Variants in HIPK2 observed in about 807,000 individuals in gnomAD.
HIPK2 encodes the protein homeodomain-interacting protein kinase 2.
A neutral mutation model predicts 113.7 loss-of-function variants in HIPK2; 27 were observed. That is an observed-to-expected ratio of 0.24 (90% CI 0.17 to 0.33). HIPK2 has a LOEUF of 0.33. Among genes scored for constraint, HIPK2 ranks in the 10% least tolerant of loss-of-function variants. The pLI, the probability that HIPK2 is intolerant of heterozygous loss-of-function variation, is 1.00. For synonymous variants in HIPK2, 631 were observed against 642.2 expected, an observed-to-expected ratio of 0.98 and a Z score of 0.26; for missense variants, 1,257 against 1,588.0, an observed-to-expected ratio of 0.79 and a Z score of 3.54.
At chr7:139,626,556 A>G in intron 6 of HIPK2, 45 bp downstream of exon 6, 2 of 1,578,048 alleles carry the variant, frequency 1.3e-6, no homozygotes, top group Non-Finnish European at 1.7e-6. Flanking sequence ...CTGGGCCTTT[A>G]AAGTTTGCCG....
chr7:139,707,246 G>A (rs535177717), intron 2 of HIPK2, among the ~76,000 whole-genome samples: 42 of 152,366 alleles, frequency 2.8e-4, no homozygotes, highest in African/African-American at 8.4e-4. Flanking sequence ...GGGGAAATTC[G>A]AGACAGTTGC....
intron 1 of HIPK2, among the ~76,000 whole-genome samples, chr7:139,726,125 T>G (rs1041056778): frequency 6.6e-6 from 1 of 152,194 alleles, no homozygotes; most frequent in African/African-American, 2.4e-5. Flanking sequence ...AATATAACCA[T>G]AAGAAATGAT....
At chr7:139,726,502 T>C (rs1433079737) in intron 1 of HIPK2, among the ~76,000 whole-genome samples, 1 of 151,674 alleles carries the variant, frequency 6.6e-6, no homozygotes, top group Admixed American at 6.6e-5. Context: ...GAGGGGAGAA[T>C]AGAATCTGTT....
chr7:139,732,781 TTATATAACATATAATA>T (rs1331953182), intron 1 of HIPK2, among the ~76,000 whole-genome samples: 1 of 147,296 alleles, frequency 6.8e-6, no homozygotes, highest in Non-Finnish European at 1.5e-5. Context: ...ATATATGACA[TTATATAACATATAATA>T]TATATAACAT....
chr7:139,623,743 T>C (rs1231060984), intron 6 of HIPK2, among the ~76,000 whole-genome samples: 3 of 152,060 alleles, frequency 2.0e-5, no homozygotes, highest in Non-Finnish European at 4.4e-5. Context: ...CCCACTCACT[T>C]CCTGTAGGCC....
At chr7:139,712,017 T>TCTCCCAGGGTA (rs764464313) in intron 2 of HIPK2, among the ~76,000 whole-genome samples, 9 of 152,142 alleles carry the variant, frequency 5.9e-5, no homozygotes, top group Non-Finnish European at 1.2e-4. Context: ...GTGTGGACTT[T>TCTCCCAGGGTA]CTCCCAGGGT....
At chr7:139,680,032 T>C (rs1362196236) in intron 2 of HIPK2, among the ~76,000 whole-genome samples, 1 of 152,114 alleles carries the variant, frequency 6.6e-6, no homozygotes, top group African/African-American at 2.4e-5. Flanking sequence ...GTGTGCAGGA[T>C]ACAAGGAGGC....
chr7:139,644,333 G>A (rs957481633), intron 2 of HIPK2, among the ~76,000 whole-genome samples: 10 of 152,180 alleles, frequency 6.6e-5, no homozygotes, highest in African/African-American at 1.9e-4. Context: ...CCTCCCATCC[G>A]CTGTCCCTCC....
intron 1 of HIPK2, 148 bp from the exon 2 acceptor site, chr7:139,717,163 T>G: frequency 9.1e-7 from 1 of 1,099,592 alleles, no homozygotes; most frequent in Non-Finnish European, 1.3e-6. Context: ...GTGAATCTCT[T>G]CCACCCAGAA....
chr7:139,599,768 G>T (rs1799352925), intron 11 of HIPK2, among the ~76,000 whole-genome samples: 1 of 152,018 alleles, frequency 6.6e-6, no homozygotes, highest in Admixed American at 6.5e-5. Context: ...GAAACTTCAG[G>T]TGAAGCTGAG....
chr7:139,639,082 C>T (rs1569461206), intron 2 of HIPK2, among the ~76,000 whole-genome samples: 1 of 152,232 alleles, frequency 6.6e-6, no homozygotes, highest in Admixed American at 6.5e-5. Flanking sequence ...GCTTCGTAAA[C>T]AGCTGCTCAA....
At chr7:139,669,041 C>A (rs562504617) in intron 2 of HIPK2, among the ~76,000 whole-genome samples, 5 of 152,198 alleles carry the variant, frequency 3.3e-5, no homozygotes, top group Non-Finnish European at 7.3e-5. Context: ...GCCAATTCCA[C>A]GTTCTTATCC....
chr7:139,723,939 A>T lies in HIPK2; in HGVS notation c.20-6924T>A, dbSNP rs76238481. Among the ~76,000 whole-genome samples, 429 of 152,264 alleles carry T rather than the reference A, an allele frequency of 2.8e-3. 5 individuals are homozygous for T. Among genetic ancestry groups the T allele is most frequent in the Admixed American group, 0.025 (377 of 15,284 alleles). ...GATTTTAAGAGGTACTAACTTCCTT[A>T]CTTCCTAAAATCTTCTGGACACAAG... On this transcript the variant is annotated intron_variant, in intron 1 of 14. Transcript: ENST00000406875.
Position 139,714,209 on chromosome 7 carries a change from C to A in HIPK2, c.1103+1723G>T, listed in dbSNP as rs565345606. Among the ~76,000 whole-genome samples, 1 of 152,176 alleles carries A rather than the reference C, an allele frequency of 6.6e-6. No homozygotes were observed. The highest frequency in any genetic ancestry group is 2.4e-5 in the African/African-American group (1 of 41,440). ...CGGGAAAGGAATCCTCAGGGCAGGG[C>A]AGAGAAGAGGCTCGCAGAGAGCTGT... On this transcript the variant is annotated intron_variant, in intron 2 of 14. Transcript: ENST00000406875. The surrounding 1 kb of genome is among the most constrained non-coding windows in gnomAD (Gnocchi z 4.2).
At chr7:139,725,356 C>G (rs754233662) in intron 1 of HIPK2, among the ~76,000 whole-genome samples, 24 of 152,236 alleles carry the variant, frequency 1.6e-4, no homozygotes, top group Non-Finnish European at 3.4e-4. Flanking sequence ...ATCCTGCAAA[C>G]AGAGTGTACT....
chr7:139,637,553 C>T (rs747775539), intron 2 of HIPK2, among the ~76,000 whole-genome samples: 3 of 152,186 alleles, frequency 2.0e-5, no homozygotes, highest in African/African-American at 2.4e-5. Flanking sequence ...TCAGCTGTCA[C>T]GCTACAGACA....
chr7:139,697,618 A>T (rs1468169017), intron 2 of HIPK2, among the ~76,000 whole-genome samples: 3 of 151,998 alleles, frequency 2.0e-5, no homozygotes, highest in African/African-American at 4.8e-5. Context: ...CAGAAAATTA[A>T]TTTTTTTCCC....
At chr7:139,743,457 G>A (rs1363212188) in intron 1 of HIPK2, among the ~76,000 whole-genome samples, 1 of 152,246 alleles carries the variant, frequency 6.6e-6, no homozygotes, top group Non-Finnish European at 1.5e-5. Context: ...CTTGGCAGTG[G>A]CAGTGGAAAG....
chr7:139,723,098 G>T (rs77593152), intron 1 of HIPK2, among the ~76,000 whole-genome samples: 1 of 151,862 alleles, frequency 6.6e-6, no homozygotes, highest in South Asian at 2.1e-4. Flanking sequence ...AAATTCATTG[G>T]TCTGGGGCTA....
Sources: gnomAD v4.1 joint callset for allele counts (sites outside exome capture counted in the v4.1 genomes callset) on GRCh38, gnomAD v4.1.1 for gene constraint, Gnocchi (gnomAD v3.1) non-coding constraint, MANE v1.5 for transcripts, NCBI Gene and HGNC (gene_info 2026-07-23, HGNC 2026-07-21) for gene names.